Variants in LRRD1 observed in about 807,000 individuals in gnomAD.
LRRD1 encodes leucine rich repeats and death domain containing 1.
A neutral mutation model predicts 69.5 loss-of-function variants in LRRD1; 49 were observed. That is an observed-to-expected ratio of 0.70 (90% CI 0.56 to 0.89). The LOEUF (loss-of-function observed/expected upper bound fraction) is 0.89. Among genes scored for constraint, LRRD1 ranks in the 40% least tolerant of loss-of-function variants. The pLI, the probability that LRRD1 is intolerant of heterozygous loss-of-function variation, is 0.00. For missense variants in LRRD1, 853 were observed against 956.0 expected (o/e 0.89, Z 1.42); for synonymous variants, 303 against 338.9 (o/e 0.89, Z 1.16).
rs1314721961 is a variant in LRRD1, at chr7:92,155,659, A to G, written c.2116+3346T>C. The stretch of plus-strand genomic sequence containing the variant: ...TTAAGGAGTATTGACTCACATAACC[A>G]CAAGGTGAAGTCCTGCAATGGGCCA... On this transcript the variant is annotated intron_variant, in intron 3 of 5. Coordinates refer to ENST00000458448, the MANE Select transcript of LRRD1 (RefSeq NM_001161528.2). Among the ~76,000 whole-genome samples the G allele has an allele frequency of 2.6e-5, 4 of 152,218 alleles. No individual in the cohort carries two copies. In the East Asian group the frequency reaches 7.7e-4, roughly 29 times the overall value.
intron 4 of LRRD1, among the ~76,000 whole-genome samples, chr7:92,147,067 CT>C (rs371802875): frequency 8.4e-4 from 121 of 143,848 alleles, no homozygotes; most frequent in Admixed American, 1.3e-3. Context: ...TTATAAGCAA[CT>C]TTTTTTTTTT....
downstream of LRRD1, chr7:92,142,842 T>C (rs6951987): frequency 0.38 from 156,809 of 411,026 alleles, 30,876 homozygotes; most frequent in African/African-American, 0.45. Flanking sequence ...GCGTGTTGAG[T>C]GTTACAGCTC....
intron 2 of LRRD1, among the ~76,000 whole-genome samples, chr7:92,160,571 C>T (rs1788774800): frequency 6.6e-6 from 1 of 152,056 alleles, no homozygotes; most frequent in Admixed American, 6.6e-5. Flanking sequence ...CCTGTAATCC[C>T]AGCACTTTGG....
intron 1 of LRRD1, among the ~76,000 whole-genome samples, chr7:92,175,963 T>C (rs1185851237): frequency 1.3e-5 from 2 of 152,244 alleles, no homozygotes; most frequent in African/African-American, 4.8e-5. Flanking sequence ...TCTAAGTTGG[T>C]ATCAATACCA....
intron 3 of LRRD1, among the ~76,000 whole-genome samples, chr7:92,158,613 G>C (rs894239147): frequency 6.6e-5 from 10 of 152,118 alleles, no homozygotes; most frequent in African/African-American, 2.4e-4. Context: ...TCCATGTAAG[G>C]TATTAGAGTA....
chr7:92,157,298 G>T lies in LRRD1; in HGVS notation c.2116+1707C>A, dbSNP rs576635799. Among the ~76,000 whole-genome samples, 8 of 152,028 alleles carry T rather than the reference G, an allele frequency of 5.3e-5. No individual in the cohort carries two copies. The East Asian group carries it at 1.5e-3, about 29-fold the overall frequency. The stretch of plus-strand genomic sequence containing the variant: ...AGTTTTTGAATATTGACTCAACCTT[G>T]CATTCCCAGGGTAAATCCCACTTGG... On this transcript the variant is annotated intron_variant, in intron 3 of 5. Transcript: ENST00000458448.
rs983427905 is a variant in LRRD1, at chr7:92,164,702, T to C, written c.501A>G (p.Lys167=). The change falls in exon 2 of 6, where the codon AAA becomes AAG. Residue 167 remains lysine (K), a synonymous_variant. Coordinates refer to ENST00000458448, the MANE Select transcript of LRRD1 (RefSeq NM_001161528.2). ...TTTGATTCTTGTCTAAATATAGATA[T>C]TTTACATATTTGATTTTTAAAATGT... The part of the protein sequence containing the change: ...PKDILKIKYV[K]YLYLDKNQIK... 2.6e-6 allele frequency: 4 copies of C among 1,550,390 alleles called. No individual in the cohort carries two copies. In the African/African-American group the frequency reaches 4.1e-5, roughly 16 times the overall value.
chr7:92,142,797 G>T (rs1379786284), downstream of LRRD1: 5 of 442,668 alleles, frequency 1.1e-5, no homozygotes, highest in African/African-American at 1.0e-4. Context: ...GTGGGTTCCT[G>T]GTCTTGCTGG....
downstream of LRRD1, chr7:92,142,607 A>C (rs1258982318): frequency 2.3e-6 from 1 of 444,356 alleles, no homozygotes; most frequent in African/African-American, 2.0e-5. Context: ...CCTCACGGTC[A>C]GTGTTACAGC....
rs769118246 is a variant in LRRD1, at chr7:92,154,785, TTCTC to T, written c.2117-4094_2117-4091del. Among the ~76,000 whole-genome samples, 11 of 152,208 alleles carry T rather than the reference TTCTC, an allele frequency of 7.2e-5. No homozygotes were observed. In the East Asian group the frequency reaches 9.6e-4, roughly 13 times the overall value. ...CAATATTTGTTGAAAATAATGTTCT[TTCTC>T]TGTTGGATTACAGTAGTTCCTCCTT... On this transcript the variant is annotated intron_variant, in intron 3 of 5. Coordinates refer to ENST00000458448, the MANE Select transcript of LRRD1 (RefSeq NM_001161528.2).
chr7:92,144,315 A>G (rs1207154461), downstream of LRRD1, among the ~76,000 whole-genome samples: 1 of 152,214 alleles, frequency 6.6e-6, no homozygotes, highest in Non-Finnish European at 1.5e-5. Flanking sequence ...AAAGCATTAT[A>G]TAACAGAAAA....
chr7:92,178,527 G>A (rs1306436587), intron 1 of LRRD1, among the ~76,000 whole-genome samples: 1 of 150,966 alleles, frequency 6.6e-6, no homozygotes, highest in African/African-American at 2.4e-5. Context: ...AAAATTAGCC[G>A]GTCGTGGCGG....
intron 1 of LRRD1, among the ~76,000 whole-genome samples, chr7:92,174,824 G>C (rs1355561808): frequency 6.6e-6 from 1 of 151,910 alleles, no homozygotes; most frequent in African/African-American, 2.4e-5. Context: ...CACTTTGGGA[G>C]GCCAAGGTGG....
At chr7:92,143,611 C>T (rs1046964662), downstream of LRRD1, among the ~76,000 whole-genome samples, 2 of 152,140 alleles carry the variant, frequency 1.3e-5, no homozygotes, top group East Asian at 1.9e-4. Flanking sequence ...GCTGGCCGGC[C>T]GCTCCGAGTG....
intron 1 of LRRD1, among the ~76,000 whole-genome samples, 185 bp from the exon 2 acceptor site, chr7:92,165,461 T>G (rs1759589653): frequency 6.6e-6 from 1 of 152,184 alleles, no homozygotes; most frequent in African/African-American, 2.4e-5. Context: ...ACTTATCACA[T>G]GTTACTCTTG....
Position 92,144,968 on chromosome 7 carries a change from C to T in LRRD1, c.2503G>A (p.Ala835Thr), listed in dbSNP as rs1162799299. Residue 835 changes from alanine (A) to threonine (T), a missense_variant, in exon 6 of 6, where the codon GCA (alanine) becomes ACA (threonine). Around this residue, in one of 3 missense-constraint regions of LRRD1, gnomAD observed 739 missense variants for 808.0 expected, o/e 0.91. Coordinates refer to ENST00000458448, the MANE Select transcript of LRRD1 (RefSeq NM_001161528.2). ...TCATATGCTCCTATCATAGTTAGTG[C>T]TCGAATTAGTTGATCTCTTAAAGCA... ...AAALRDQLIR[A>T]LTMIGAYEIM... The T allele has an allele frequency of 5.2e-6, 8 of 1,545,568 alleles. No individual in the cohort carries two copies. The highest frequency in any genetic ancestry group is 4.9e-5 in the East Asian group (2 of 40,770).
chr7:92,144,994 G>C lies in LRRD1; in HGVS notation c.2477C>G (p.Ala826Gly). The change falls in exon 6 of 6, where the codon GCT becomes GGT. Residue 826 changes from alanine (A) to glycine (G), a missense_variant. By Grantham distance (60) the Ala-to-Gly change is moderately conservative. This residue lies in a region of LRRD1 where 739 missense variants were observed against 808.0 expected (regional missense o/e 0.91). Coordinates refer to ENST00000458448, the MANE Select transcript of LRRD1 (RefSeq NM_001161528.2). ...TCGAATTAGTTGATCTCTTAAAGCA[G>C]CAGCAGTTAGTGATAACTTGTTACT... ...TQSNKLSLTA[A>G]ALRDQLIRAL... 7.8e-6 allele frequency: 12 copies of C among 1,542,042 alleles called. No individual in the cohort carries two copies. Among genetic ancestry groups the C allele is most frequent in the Non-Finnish European group, 9.6e-6 (11 of 1,140,898 alleles).
intron 4 of LRRD1, 131 bp from the exon 5 acceptor site, chr7:92,146,331 A>G: frequency 1.8e-6 from 1 of 550,462 alleles, no homozygotes; most frequent in Non-Finnish European, 3.1e-6. Flanking sequence ...GAAAATGACA[A>G]TGCTGGCCGG....
chr7:92,146,767 A>G (rs1229463292), intron 4 of LRRD1, among the ~76,000 whole-genome samples: 1 of 149,168 alleles, frequency 6.7e-6, no homozygotes, highest in African/African-American at 2.5e-5. Flanking sequence ...CTAAAAATAC[A>G]AAAAATTAGC....
Sources: gnomAD v4.1 joint callset for allele counts (sites outside exome capture counted in the v4.1 genomes callset) on GRCh38, gnomAD v4.1.1 for gene constraint, gnomAD v4.1.1 regional missense constraint, MANE v1.5 for transcripts, NCBI Gene and HGNC (gene_info 2026-07-23, HGNC 2026-07-21) for gene names.